The following TDRD5 variants were observed in gnomAD, a reference collection of about 807,000 sequenced individuals.
TDRD5 encodes the protein tudor domain-containing protein 5.
Under a neutral mutation model 120.6 loss-of-function variants are expected in TDRD5, and 41 were observed. The ratio of observed to expected loss-of-function variants is 0.34; its 90% CI spans 0.26 to 0.44. The LOEUF (loss-of-function observed/expected upper bound fraction) is 0.44. TDRD5 is among the 20% of genes least tolerant of loss of function. The pLI is 1.00. For synonymous variants in TDRD5, 430 were observed against 433.7 expected, an observed-to-expected ratio of 0.99 and a Z score of 0.11; for missense variants, 1,006 against 1,221.2, an observed-to-expected ratio of 0.82 and a Z score of 2.63.
intron 17 of TDRD5, among the ~76,000 whole-genome samples, chr1:179,676,282 T>A (rs1572434006): frequency 6.6e-6 from 1 of 152,172 alleles, no homozygotes; most frequent in East Asian, 1.9e-4. Flanking sequence ...AGCAGAAACT[T>A]GGTTGGTGAA....
At chr1:179,662,983 A>C (rs555977697) in intron 15 of TDRD5, among the ~76,000 whole-genome samples, 103 of 152,300 alleles carry the variant, frequency 6.8e-4, no homozygotes, top group Non-Finnish European at 1.1e-3. Context: ...AGGCCTAACT[A>C]TATATATTTG....
chr1:179,598,345 G>T (rs527550561), intron 4 of TDRD5, among the ~76,000 whole-genome samples: 1 of 152,308 alleles, frequency 6.6e-6, no homozygotes, highest in South Asian at 2.1e-4. Context: ...TTCTAGGTTT[G>T]CATTTGCAGA....
intron 11 of TDRD5, among the ~76,000 whole-genome samples, chr1:179,642,290 G>A (rs1043404647): frequency 2.0e-5 from 3 of 151,716 alleles, no homozygotes; most frequent in Non-Finnish European, 2.9e-5. Flanking sequence ...TGTAGAGGTG[G>A]GGTTTCACCA....
Position 179,663,379 on chromosome 1 carries a change from G to A in TDRD5, c.2537G>A (p.Trp846Ter). The A allele has an allele frequency of 1.2e-6, 2 of 1,613,452 alleles. No individual in the cohort carries two copies. The highest frequency in any genetic ancestry group is 1.7e-6 in the Non-Finnish European group (2 of 1,179,810). The change falls in exon 16 of 18, where the codon TGG becomes TAG. Residue 846 changes from tryptophan (W) to a stop codon, truncating the protein, a stop_gained. Coordinates refer to ENST00000444136, the MANE Select transcript of TDRD5 (RefSeq NM_001199085.3). LOFTEE classifies it high-confidence loss of function. ...TGTTTTTCTACCCCTAAAGATACAT[G>A]GGATGATTCTTGGCAGCCTTCAGGC... is the stretch of plus-strand genomic sequence containing the variant. Reference protein sequence around the residue: ...DWCFSTPKDTWDDSWQPSGLV... With the variant: ...DWCFSTPKDT
chr1:179,683,031 C>A (rs112487138), intron 17 of TDRD5, among the ~76,000 whole-genome samples: 1 of 152,032 alleles, frequency 6.6e-6, no homozygotes, highest in African/African-American at 2.4e-5. Context: ...CTCTCTCTCT[C>A]TGCAGCTGCC....
At position 179,597,096 on chromosome 1, in the gene TDRD5, C is replaced by G. The variant is rs78432978; in HGVS notation, c.831+1278C>G. On this transcript the variant is annotated intron_variant, in intron 4 of 17. Transcript: ENST00000444136. ...ACATGCGTGTTTGCCATTTGTATTT[C>G]CTTTTTGAAGTGTCTATTCAAATAT... 9.0e-3 allele frequency among the ~76,000 whole-genome samples: 1,371 copies of G among 152,138 alleles called. 47 individuals are homozygous for G. Among genetic ancestry groups the G allele is most frequent in the East Asian group, 0.061 (316 of 5,178 alleles).
Position 179,631,315 on chromosome 1 carries a change from C to T in TDRD5, c.1126+395C>T, listed in dbSNP as rs1677436495. 2.0e-5 allele frequency among the ~76,000 whole-genome samples: 3 copies of T among 152,146 alleles called. No homozygotes were observed. In the South Asian group the frequency reaches 6.2e-4, roughly 32 times the overall value. Reference sequence around the variant, plus strand: ...GCTGAGGCAGGAGAATGGCATGAACCCGGGAGGCGGAGCTTGCCGGGAGCC... The same window carrying T: ...GCTGAGGCAGGAGAATGGCATGAACTCGGGAGGCGGAGCTTGCCGGGAGCC... On this transcript the variant is annotated intron_variant, in intron 7 of 17. Coordinates refer to ENST00000444136, the MANE Select transcript of TDRD5 (RefSeq NM_001199085.3).
At chr1:179,638,077 A>C (rs1572381778) in intron 9 of TDRD5, among the ~76,000 whole-genome samples, 1 of 152,234 alleles carries the variant, frequency 6.6e-6, no homozygotes. Context: ...GTGAGGTTGC[A>C]GGAGTCAGGA....
chr1:179,690,426 G>GAA (rs1681076185), intron 17 of TDRD5, among the ~76,000 whole-genome samples: 26 of 152,116 alleles, frequency 1.7e-4, no homozygotes, highest in Admixed American at 1.6e-3. Flanking sequence ...CTAGAAATAA[G>GAA]GCATCCCTTC....
rs1572316798 is a variant in TDRD5 at position 179,593,502 on chromosome 1, C to T, written c.275C>T (p.Ala92Val). The change falls in exon 3 of 18, where the codon GCA becomes GTA. Residue 92 changes from alanine (A) to valine (V), a missense_variant. By Grantham distance (64) the Ala-to-Val change is moderately conservative. Around this residue, in one of 3 missense-constraint regions of TDRD5, gnomAD observed 445 missense variants for 515.5 expected, o/e 0.86. Transcript: ENST00000444136. ...ESTKGIASLV[A>V]KQRSSHKLRN... ...ACCAAAGGAATAGCAAGCTTAGTTG[C>T]AAAACAGAGGAGCAGCCATAAGCTT... 6 of 1,613,968 alleles carry T rather than the reference C, an allele frequency of 3.7e-6. No homozygotes were observed. Among genetic ancestry groups the T allele is most frequent in the Non-Finnish European group, 5.1e-6 (6 of 1,179,874 alleles).
intron 16 of TDRD5, among the ~76,000 whole-genome samples, chr1:179,668,450 C>T (rs1290290479): frequency 6.6e-6 from 1 of 152,174 alleles, no homozygotes; most frequent in East Asian, 1.9e-4. Flanking sequence ...ATAACTTAAC[C>T]ACTCTGTAAA....
chr1:179,667,377 T>C (rs1679612929), intron 16 of TDRD5, among the ~76,000 whole-genome samples: 1 of 152,234 alleles, frequency 6.6e-6, no homozygotes, highest in Non-Finnish European at 1.5e-5. Flanking sequence ...TGTTTCTGTA[T>C]ATTATCTATT....
intron 14 of TDRD5, among the ~76,000 whole-genome samples, chr1:179,659,590 T>TGTGCGC (rs1222748814): frequency 1.5e-5 from 1 of 67,130 alleles, no homozygotes; most frequent in African/African-American, 4.1e-5. Context: ...TGTGTGTGTG[T>TGTGCGC]GCGCGCGCTT....
chr1:179,633,447 G>C (rs1677571459), intron 7 of TDRD5, among the ~76,000 whole-genome samples: 1 of 151,944 alleles, frequency 6.6e-6, no homozygotes, highest in Non-Finnish European at 1.5e-5. Context: ...CGCCTCCCAG[G>C]TTCAAGTGAT....
At chr1:179,613,998 CT>C (rs1465082293) in intron 4 of TDRD5, among the ~76,000 whole-genome samples, 1 of 152,200 alleles carries the variant, frequency 6.6e-6, no homozygotes, top group Non-Finnish European at 1.5e-5. Context: ...CTGTTTCTTT[CT>C]GCTTTTAGCC....
chr1:179,596,078 C>G (rs1675375446), intron 4 of TDRD5, among the ~76,000 whole-genome samples: 1 of 152,172 alleles, frequency 6.6e-6, no homozygotes, highest in African/African-American at 2.4e-5. Flanking sequence ...ATCTCTAGTT[C>G]CAGTTCCTCA....
chr1:179,653,759 A>G (rs1678843835), intron 13 of TDRD5, among the ~76,000 whole-genome samples: 1 of 151,992 alleles, frequency 6.6e-6, no homozygotes, highest in African/African-American at 2.4e-5. Flanking sequence ...CCCATATGCT[A>G]CACACACACC....
chr1:179,620,889 A>G, intron 5 of TDRD5, 146 bp from the exon 6 acceptor site: 1 of 600,336 alleles, frequency 1.7e-6, no homozygotes, highest in Non-Finnish European at 2.6e-6. Flanking sequence ...CTGGAAACTC[A>G]TTTTCAAAAA....
chr1:179,655,143 T>A (rs963246803), intron 14 of TDRD5, among the ~76,000 whole-genome samples: 1 of 152,198 alleles, frequency 6.6e-6, no homozygotes, highest in Non-Finnish European at 1.5e-5. Context: ...TTAAATAACA[T>A]CCTCATGTTG....
Sources: allele counts gnomAD v4.1 joint callset (sites outside exome capture counted in the v4.1 genomes callset), GRCh38; gene constraint gnomAD v4.1.1; regional missense constraint gnomAD v4.1.1; transcripts MANE v1.5; gene names NCBI Gene and HGNC (gene_info 2026-07-23, HGNC 2026-07-21).